LDLRAD4: variants seen among roughly 807,000 people sequenced by gnomAD.
LDLRAD4 encodes low-density lipoprotein receptor class A domain-containing protein 4.
Under a neutral mutation model 17.0 loss-of-function variants are expected in LDLRAD4, and 5 were observed. The observed-to-expected ratio is 0.29, with a 90% CI of 0.15 to 0.62. LDLRAD4 has a LOEUF of 0.62. Among genes scored for constraint, LDLRAD4 ranks in the 20% least tolerant of loss-of-function variants. The probability of loss-of-function intolerance (pLI) is 0.84; values close to 1 mark genes in which losing one functional copy is unlikely to be tolerated. For synonymous variants in LDLRAD4, 168 were observed against 171.8 expected, an observed-to-expected ratio of 0.98 and a Z score of 0.17; for missense variants, 340 against 424.7, an observed-to-expected ratio of 0.80 and a Z score of 1.75.
chr18:13,413,957 A>G (rs2088618922), intron 2 of LDLRAD4, among the ~76,000 whole-genome samples: 1 of 152,166 alleles, frequency 6.6e-6, no homozygotes, highest in Admixed American at 6.5e-5. Flanking sequence ...ATAAGAGAGT[A>G]CCTGCGTTTC....
rs117675005 is a variant in LDLRAD4 at position 13,618,801 on chromosome 18, C to A, written c.182-2316C>A. 4.4e-3 allele frequency among the ~76,000 whole-genome samples: 670 copies of A among 152,324 alleles called. 13 individuals are homozygous for A. Among genetic ancestry groups the A allele is most frequent in the East Asian group, 0.043 (223 of 5,186 alleles). On this transcript the variant is annotated intron_variant, in intron 3 of 5. Transcript: ENST00000359446. ...ATGTGACCTTATTTCTGCTCACAGG[C>A]CATGGGAAGTATGACATGCTTGTTT...
intron 2 of LDLRAD4, chr18:13,420,028 A>T (rs1003081369): frequency 2.0e-5 from 3 of 152,202 alleles, no homozygotes; most frequent in African/African-American, 2.4e-5. Flanking sequence ...TTTGTGATTT[A>T]TAATGGAAAA....
At chr18:13,450,325 C>CT (rs2091730420) in intron 3 of LDLRAD4, among the ~76,000 whole-genome samples, 1 of 89,736 alleles carries the variant, frequency 1.1e-5, no homozygotes, top group Non-Finnish European at 2.3e-5. Flanking sequence ...TCTCTCCCCC[C>CT]ACCCCCCCCC....
intron 3 of LDLRAD4, among the ~76,000 whole-genome samples, chr18:13,510,764 C>T (rs1482441063): frequency 6.6e-6 from 1 of 152,178 alleles, no homozygotes; most frequent in East Asian, 1.9e-4. Context: ...TGTTAAGTTT[C>T]CCAGCCAGGG....
chr18:13,518,216 T>A (rs1170284719), intron 3 of LDLRAD4, among the ~76,000 whole-genome samples: 3 of 152,198 alleles, frequency 2.0e-5, no homozygotes, highest in African/African-American at 7.2e-5. Flanking sequence ...CTTCCCACTC[T>A]GTCCTCTGCA....
chr18:13,560,204 C>A (rs1206131122), intron 3 of LDLRAD4, among the ~76,000 whole-genome samples: 1 of 152,224 alleles, frequency 6.6e-6, no homozygotes, highest in Admixed American at 6.5e-5. Flanking sequence ...GGGTGTCCCC[C>A]TGCTTTTGGG....
At chr18:13,271,893 C>CCT (rs1555632851) in intron 1 of LDLRAD4, among the ~76,000 whole-genome samples, 1 of 79,022 alleles carries the variant, frequency 1.3e-5, no homozygotes, top group Non-Finnish European at 2.3e-5. Flanking sequence ...CTGTTCAGTG[C>CCT]TTTTTTTTTT....
intron 1 of LDLRAD4, among the ~76,000 whole-genome samples, chr18:13,382,111 A>T (rs1257176146): frequency 6.6e-6 from 1 of 152,250 alleles, no homozygotes; most frequent in Non-Finnish European, 1.5e-5. Flanking sequence ...GTCTGTCCAC[A>T]GCAGGAGGAA....
chr18:13,268,676 T>A (rs2044358188), intron 1 of LDLRAD4, among the ~76,000 whole-genome samples: 1 of 152,236 alleles, frequency 6.6e-6, no homozygotes, highest in Non-Finnish European at 1.5e-5. Flanking sequence ...TGCAGTATTA[T>A]ATTGTAAACC....
chr18:13,225,503 AC>A (rs1420285705), intron 1 of LDLRAD4, among the ~76,000 whole-genome samples: 1 of 151,946 alleles, frequency 6.6e-6, no homozygotes, highest in Non-Finnish European at 1.5e-5. Context: ...GGAGGTGAAG[AC>A]CTCTAGAGAG....
intron 2 of LDLRAD4, among the ~76,000 whole-genome samples, chr18:13,437,962 G>A (rs970169143): frequency 2.0e-5 from 3 of 152,250 alleles, no homozygotes; most frequent in Admixed American, 2.0e-4. Context: ...AAGAAAGAGA[G>A]CACCTGTGCT....
At chr18:13,620,902 C>G in intron 3 of LDLRAD4, 1 of 626,968 alleles carries the variant, frequency 1.6e-6, no homozygotes. Context: ...GCAGAGGCTT[C>G]CCGCTCCCCG....
At chr18:13,321,413 C>T (rs1486742039) in intron 1 of LDLRAD4, among the ~76,000 whole-genome samples, 7 of 152,158 alleles carry the variant, frequency 4.6e-5, no homozygotes, top group African/African-American at 1.4e-4. Context: ...TAATTCTCTT[C>T]GGGACTCATT....
chr18:13,638,900 A>G (rs1190841734), intron 4 of LDLRAD4, among the ~76,000 whole-genome samples: 2 of 152,176 alleles, frequency 1.3e-5, no homozygotes, highest in Non-Finnish European at 2.9e-5. Context: ...ACATGTTGCA[A>G]TGGAAGAGGA....
At chr18:13,406,452 C>T (rs541376393) in intron 2 of LDLRAD4, among the ~76,000 whole-genome samples, 1 of 152,284 alleles carries the variant, frequency 6.6e-6, no homozygotes, top group Non-Finnish European at 1.5e-5. Flanking sequence ...GCTGGAACAC[C>T]TGGCATCATG....
intron 4 of LDLRAD4, chr18:13,642,666 C>T: frequency 8.1e-7 from 1 of 1,231,452 alleles, no homozygotes; most frequent in Non-Finnish European, 1.0e-6. Context: ...CCCGGGCCAC[C>T]TCTGCCAGGG....
chr18:13,218,447 C>T (rs1206556725), upstream of LDLRAD4, among the ~76,000 whole-genome samples: 1 of 152,190 alleles, frequency 6.6e-6, no homozygotes, highest in Non-Finnish European at 1.5e-5. Context: ...TCTGCACCGC[C>T]CGGAGGCCAG....
intron 1 of LDLRAD4, among the ~76,000 whole-genome samples, chr18:13,299,419 G>A (rs1383132278): frequency 6.6e-6 from 1 of 152,190 alleles, no homozygotes; most frequent in Admixed American, 6.5e-5. Flanking sequence ...AGCCTGAGCA[G>A]CTGGCTGCAG....
At chr18:13,533,330 A>G (rs564840515) in intron 3 of LDLRAD4, among the ~76,000 whole-genome samples, 7 of 152,328 alleles carry the variant, frequency 4.6e-5, no homozygotes, top group African/African-American at 9.6e-5. Flanking sequence ...TTAACTCCTC[A>G]TGACCACTTT....
Sources: gnomAD v4.1 joint callset for allele counts (sites outside exome capture counted in the v4.1 genomes callset) on GRCh38, gnomAD v4.1.1 for gene constraint, MANE v1.5 for transcripts, NCBI Gene and HGNC (gene_info 2026-07-23, HGNC 2026-07-21) for gene names.